The following DCDC2 variants were observed in gnomAD, a reference collection of about 807,000 sequenced individuals.
DCDC2 encodes doublecortin domain-containing protein 2.
DCDC2 carries 40 observed loss-of-function variants against 50.2 expected under a neutral mutation model. The observed-to-expected ratio is 0.80, with a 90% CI of 0.62 to 1.04. The LOEUF is 1.04. Among genes scored for constraint, DCDC2 ranks in the 50% least tolerant of loss-of-function variants. The pLI is 0.00. For synonymous variants in DCDC2, 234 were observed against 210.6 expected (o/e 1.11, Z -0.96); for missense variants, 570 against 581.9 (o/e 0.98, Z 0.21).
intron 4 of DCDC2, among the ~76,000 whole-genome samples, chr6:24,297,336 G>A (rs761232098): frequency 9.2e-5 from 14 of 151,992 alleles, no homozygotes; most frequent in Non-Finnish European, 1.3e-4. Context: ...GGAGAGAGAG[G>A]AACAGTAAAA....
the DCDC2 span, among the ~76,000 whole-genome samples, chr6:24,371,276 C>CAAA: frequency 4.3e-4 from 44 of 101,236 alleles, no homozygotes; most frequent in Non-Finnish European, 6.3e-4. Context: ...CACTCCATCT[C>CAAA]AAAAAAAAAA....
chr6:24,252,482 G>A (rs949542821), intron 7 of DCDC2, among the ~76,000 whole-genome samples: 3 of 152,114 alleles, frequency 2.0e-5, no homozygotes, highest in South Asian at 2.1e-4. Context: ...GAAAAAGGGC[G>A]ATGATTGAAA....
intron 2 of DCDC2, among the ~76,000 whole-genome samples, chr6:24,336,365 A>G (rs893307617): frequency 6.6e-6 from 1 of 152,158 alleles, no homozygotes; most frequent in Non-Finnish European, 1.5e-5. Flanking sequence ...GCTAATTCAC[A>G]GTGTATTTTA....
rs531010886 is a variant in DCDC2, at chr6:24,354,546, T to C, written c.294-923A>G. 4.9e-4 allele frequency among the ~76,000 whole-genome samples: 75 copies of C among 152,298 alleles called. No individual in the cohort carries two copies. The South Asian group carries it at 0.011, about 23-fold the overall frequency. On this transcript the variant is annotated intron_variant, in intron 1 of 9. Transcript: ENST00000378454. ...TAATTCATATCTCTGGAAATTGTCA[T>C]ACAATGCCCCTATATAAAAGTAGTC...
chr6:24,175,489 C>T (rs1760882940), intron 9 of DCDC2, among the ~76,000 whole-genome samples: 1 of 152,164 alleles, frequency 6.6e-6, no homozygotes, highest in Non-Finnish European at 1.5e-5. Context: ...TCCACAGCCC[C>T]CACAAGGGCA....
intron 7 of DCDC2, among the ~76,000 whole-genome samples, chr6:24,248,834 T>C (rs1762739565): frequency 6.6e-6 from 1 of 152,200 alleles, no homozygotes; most frequent in Admixed American, 6.5e-5. Context: ...TGGAGCTCAA[T>C]AGGGAATCAC....
the DCDC2 span, among the ~76,000 whole-genome samples, chr6:24,370,114 G>C: frequency 6.6e-6 from 1 of 152,132 alleles, no homozygotes; most frequent in South Asian, 2.1e-4. Context: ...TCAAGTGAAA[G>C]AAAAAGGTTG....
chr6:24,217,642 G>A (rs911578677), intron 7 of DCDC2, among the ~76,000 whole-genome samples: 1 of 152,192 alleles, frequency 6.6e-6, no homozygotes, highest in Non-Finnish European at 1.5e-5. Flanking sequence ...TTAAATCTGA[G>A]TGAGGGTGTT....
At chr6:24,185,153 AT>A (rs1323339771) in intron 8 of DCDC2, among the ~76,000 whole-genome samples, 1 of 151,990 alleles carries the variant, frequency 6.6e-6, no homozygotes, top group East Asian at 1.9e-4. Context: ...ACACTTATAC[AT>A]TTTTTTCTCC....
intron 7 of DCDC2, among the ~76,000 whole-genome samples, chr6:24,260,928 A>T (rs1242204579): frequency 6.6e-6 from 1 of 152,108 alleles, no homozygotes; most frequent in Non-Finnish European, 1.5e-5. Flanking sequence ...ATTATTGAGA[A>T]CTCTGGTACC....
Position 24,253,770 on chromosome 6 carries a change from C to T in DCDC2, c.922+24279G>A, listed in dbSNP as rs372528497. ...ATGGAGCTTGCAGGACTAGAAGTTG[C>T]TCTGGGTGAGTCAGTGAGTCAGTGG... On this transcript the variant is annotated intron_variant, in intron 7 of 9. Transcript: ENST00000378454. 8.1e-4 allele frequency among the ~76,000 whole-genome samples: 124 copies of T among 152,234 alleles called. No individual in the cohort carries two copies. In the South Asian group the frequency reaches 0.025, roughly 30 times the overall value.
rs796919412 is a variant in DCDC2, at chr6:24,210,083, C to T, written c.923-4981G>A. 1.4e-4 allele frequency among the ~76,000 whole-genome samples: 20 copies of T among 144,648 alleles called. No individual in the cohort carries two copies. In the East Asian group the frequency reaches 1.8e-3, roughly 13 times the overall value. The allele number at this position is 144,648 out of a possible 152,430, so 94.9% of individuals were successfully genotyped here. A position where few individuals can be genotyped will look rare whatever the true frequency, so the allele number is the denominator to read the frequency against. On this transcript the variant is annotated intron_variant, in intron 7 of 9. Coordinates refer to ENST00000378454, the MANE Select transcript of DCDC2 (RefSeq NM_016356.5). ...GTCTGTCTGTCTGTCTGCCTGCCTGCCTGTCTGTCTTCACCCTCCTGGTTT... is the reference window on the plus strand; with the variant it reads ...GTCTGTCTGTCTGTCTGCCTGCCTGTCTGTCTGTCTTCACCCTCCTGGTTT...
chr6:24,274,359 G>A (rs180855512), intron 7 of DCDC2, among the ~76,000 whole-genome samples: 1 of 152,262 alleles, frequency 6.6e-6, no homozygotes, highest in African/African-American at 2.4e-5. Flanking sequence ...CTAGTTGCCA[G>A]CCTCTAAAGC....
In DCDC2 at chr6:24,282,921, A is replaced by AAT. The variant is rs537903523; in HGVS notation, c.760-4712_760-4711dup. Among the ~76,000 whole-genome samples, 13 of 152,302 alleles carry AAT rather than the reference A, an allele frequency of 8.5e-5. No homozygotes were observed. In the East Asian group the frequency reaches 2.5e-3, roughly 29 times the overall value. ...TTTTGGAGTATAAGGAATTCATCTT[A>AAT]ATATGTGTATAACTTGCTTCACAGT... On this transcript the variant is annotated intron_variant, in intron 6 of 9. Coordinates refer to ENST00000378454, the MANE Select transcript of DCDC2 (RefSeq NM_016356.5).
At chr6:24,246,479 CTTTTTTTTTT>C (rs4052666) in intron 7 of DCDC2, among the ~76,000 whole-genome samples, 1 of 70,782 alleles carries the variant, frequency 1.4e-5, no homozygotes, top group African/African-American at 6.0e-5. Flanking sequence ...TTTTCTTTTT[CTTTTTTTTTT>C]TTTTTTTTTT....
chr6:24,177,726 A>G (rs956595658), intron 9 of DCDC2, among the ~76,000 whole-genome samples: 8 of 152,188 alleles, frequency 5.3e-5, no homozygotes, highest in African/African-American at 1.7e-4. Context: ...ATTTCACCAG[A>G]TATTACTTTT....
intron 7 of DCDC2, among the ~76,000 whole-genome samples, chr6:24,276,746 T>C (rs531558330): frequency 6.6e-6 from 1 of 152,294 alleles, no homozygotes; most frequent in South Asian, 2.1e-4. Flanking sequence ...TATTTCACCC[T>C]AGCCTCCTTG....
At chr6:24,272,154 C>A (rs754744314) in intron 7 of DCDC2, among the ~76,000 whole-genome samples, 8 of 152,134 alleles carry the variant, frequency 5.3e-5, no homozygotes, top group Non-Finnish European at 8.8e-5. Flanking sequence ...TAGTATTCAG[C>A]CCACTTTTAA....
chr6:24,188,538 TTTTTTATATTTTATA>T (rs1761250763), intron 8 of DCDC2, among the ~76,000 whole-genome samples: 2 of 152,260 alleles, frequency 1.3e-5, no homozygotes, highest in East Asian at 3.9e-4. Context: ...TCAGAAAGGT[TTTTTTATATTTTATA>T]TTTTTATATT....
Sources: allele counts gnomAD v4.1 joint callset (sites outside exome capture counted in the v4.1 genomes callset), GRCh38; gene constraint gnomAD v4.1.1; transcripts MANE v1.5; gene names NCBI Gene and HGNC (gene_info 2026-07-23, HGNC 2026-07-21).